Variants in GRM1 observed in about 807,000 individuals in gnomAD.
GRM1 encodes the protein glutamate metabotropic receptor 1, also known as metabotropic glutamate receptor 1.
In GRM1, 33 loss-of-function variants were observed where a neutral mutation model predicts 90.9. The observed-to-expected ratio is 0.36, with a 90% CI of 0.28 to 0.49. The LOEUF (loss-of-function observed/expected upper bound fraction) is 0.49. Ranked by LOEUF, GRM1 falls within the 20% of genes least tolerant of loss-of-function variation. The pLI, the probability that GRM1 is intolerant of heterozygous loss-of-function variation, is 0.99. For missense variants in GRM1, 1,190 were observed against 1,534.3 expected (o/e 0.78, Z 3.75); for synonymous variants, 700 against 613.2 (o/e 1.14, Z -2.09).
chr6:146,030,014 C>A lies in GRM1; in HGVS notation c.497C>A (p.Ser166Tyr). The change falls in exon 1 of 8, where the codon TCT becomes TAT. Residue 166 changes from serine to tyrosine, a missense_variant. Physicochemically the swap from Ser to Tyr is moderately radical, Grantham distance 144. Around this residue, in one of 10 missense-constraint regions of GRM1, gnomAD observed 46 missense variants for 116.1 expected, o/e 0.40. Transcript: ENST00000282753. The part of the protein sequence containing the change: ...IAGVIGPGSS[S>Y]VAIQVQNLLQ... ...GGAGTGATCGGTCCCGGCTCCAGCT[C>A]TGTAGCCATTCAAGTGCAGAACCTG... 6.2e-7 allele frequency: 1 copy of A among 1,614,196 alleles called. No individual in the cohort carries two copies. Among genetic ancestry groups the A allele is most frequent in the Non-Finnish European group, 8.5e-7 (1 of 1,180,034 alleles).
At chr6:146,206,128 G>A (rs868847784) in intron 2 of GRM1, among the ~76,000 whole-genome samples, 4 of 152,202 alleles carry the variant, frequency 2.6e-5, no homozygotes, top group Admixed American at 2.0e-4. Flanking sequence ...AATCAGGACC[G>A]TTTCTGTAGG....
At chr6:146,353,941 T>C (rs114530169) in intron 4 of GRM1, among the ~76,000 whole-genome samples, 1,932 of 152,252 alleles carry the variant, frequency 0.013, 33 homozygotes, top group African/African-American at 0.043. Flanking sequence ...CTGGCAACCT[T>C]CTTAATGTCA....
intron 1 of GRM1, among the ~76,000 whole-genome samples, chr6:146,056,101 G>C (rs1337830312): frequency 6.6e-6 from 1 of 152,044 alleles, no homozygotes; most frequent in Non-Finnish European, 1.5e-5. Flanking sequence ...TTCTCATCTT[G>C]GTGGCATAAT....
At chr6:146,037,541 T>C (rs1470547785) in intron 1 of GRM1, among the ~76,000 whole-genome samples, 1 of 151,980 alleles carries the variant, frequency 6.6e-6, no homozygotes, top group East Asian at 1.9e-4. Context: ...GTCCATACTA[T>C]TTAGCTCAAC....
intron 1 of GRM1, among the ~76,000 whole-genome samples, chr6:146,047,476 C>T (rs879488776): frequency 2.0e-5 from 3 of 151,756 alleles, no homozygotes; most frequent in Non-Finnish European, 4.4e-5. Context: ...AGAGTTGCAG[C>T]CTCTGTGGAC....
chr6:146,160,279 A>G (rs1274462359), intron 2 of GRM1, among the ~76,000 whole-genome samples: 1 of 152,166 alleles, frequency 6.6e-6, no homozygotes, highest in Non-Finnish European at 1.5e-5. Flanking sequence ...GCTAATTTTG[A>G]TGCTTTCTGC....
At chr6:146,405,068 C>G (rs1777297654) in intron 7 of GRM1, among the ~76,000 whole-genome samples, 1 of 152,118 alleles carries the variant, frequency 6.6e-6, no homozygotes, top group African/African-American at 2.4e-5. Flanking sequence ...TGAAATACTG[C>G]TACTATTAAA....
chr6:146,089,517 C>G (rs1046218880), intron 1 of GRM1, among the ~76,000 whole-genome samples: 1 of 152,056 alleles, frequency 6.6e-6, no homozygotes, highest in African/African-American at 2.4e-5. Flanking sequence ...TGTTACCCAG[C>G]AATAGAAAAT....
intron 1 of GRM1, among the ~76,000 whole-genome samples, chr6:146,141,192 A>G (rs1323130130): frequency 6.6e-6 from 1 of 151,986 alleles, no homozygotes; most frequent in Non-Finnish European, 1.5e-5. Context: ...TGCATTTTAA[A>G]TATGTCATGA....
At chr6:146,409,542 AT>A (rs879303593) in intron 7 of GRM1, among the ~76,000 whole-genome samples, 1 of 151,922 alleles carries the variant, frequency 6.6e-6, no homozygotes, top group Non-Finnish European at 1.5e-5. Flanking sequence ...AAAGACGAAC[AT>A]TAAGTTTTGT....
chr6:146,396,551 T>C (rs1471760444), intron 6 of GRM1, among the ~76,000 whole-genome samples: 5 of 152,144 alleles, frequency 3.3e-5, no homozygotes, highest in African/African-American at 1.2e-4. Context: ...CTAATGTTTA[T>C]GAACTATCCC....
intron 1 of GRM1, among the ~76,000 whole-genome samples, chr6:146,117,575 T>G (rs774785116): frequency 1.0e-3 from 153 of 152,246 alleles, no homozygotes; most frequent in Middle Eastern, 6.8e-3. Flanking sequence ...ACTTTCATTT[T>G]ATGACTTCTT....
chr6:146,150,929 C>CGT (rs373590779), intron 1 of GRM1, among the ~76,000 whole-genome samples: 3 of 110,698 alleles, frequency 2.7e-5, no homozygotes, highest in Non-Finnish European at 4.3e-5. Context: ...CACACACACG[C>CGT]GTGTGCGCGC....
chr6:146,319,868 A>G (rs1338898780), intron 3 of GRM1, among the ~76,000 whole-genome samples: 5 of 152,176 alleles, frequency 3.3e-5, no homozygotes, highest in African/African-American at 1.2e-4. Flanking sequence ...TTTTGGGCTG[A>G]GTCGATGGGG....
chr6:146,137,225 T>C (rs1776659544), intron 1 of GRM1, among the ~76,000 whole-genome samples: 2 of 152,206 alleles, frequency 1.3e-5, no homozygotes, highest in Non-Finnish European at 2.9e-5. Flanking sequence ...TGGAGTATAC[T>C]GAAGCAATCT....
intron 1 of GRM1, among the ~76,000 whole-genome samples, chr6:146,042,797 T>C (rs1480285967): frequency 6.6e-6 from 1 of 151,998 alleles, no homozygotes. Context: ...TCAGCTTTCA[T>C]AGCAGTTAAT....
chr6:146,028,846 A>G (rs966551132), upstream of GRM1, among the ~76,000 whole-genome samples: 1 of 152,186 alleles, frequency 6.6e-6, no homozygotes, highest in Non-Finnish European at 1.5e-5. Context: ...TCCAATCCGG[A>G]AAGTTCTCTT....
At chr6:146,118,143 T>TC (rs1263563261) in intron 1 of GRM1, among the ~76,000 whole-genome samples, 2 of 142,680 alleles carry the variant, frequency 1.4e-5, no homozygotes, top group African/African-American at 2.6e-5. Flanking sequence ...TTCTTTTCTT[T>TC]TTTTTTTTTT....
intron 5 of GRM1, among the ~76,000 whole-genome samples, chr6:146,386,626 A>G (rs1186986617): frequency 6.6e-6 from 1 of 152,014 alleles, no homozygotes; most frequent in East Asian, 1.9e-4. Context: ...TAACTCTGCA[A>G]AAAAATGTAG....
Sources: gnomAD v4.1 joint callset for allele counts (sites outside exome capture counted in the v4.1 genomes callset) on GRCh38, gnomAD v4.1.1 for gene constraint, gnomAD v4.1.1 regional missense constraint, MANE v1.5 for transcripts, NCBI Gene and HGNC (gene_info 2026-07-23, HGNC 2026-07-21) for gene names.